CYYR1: variants seen among roughly 807,000 people sequenced by gnomAD.
CYYR1 encodes cysteine and tyrosine rich 1, also known as cysteine and tyrosine-rich protein 1.
Under a neutral mutation model 15.2 loss-of-function variants are expected in CYYR1, and 14 were observed. The ratio of observed to expected loss-of-function variants is 0.92; its 90% CI spans 0.61 to 1.44. CYYR1 has a LOEUF of 1.44. Among genes scored for constraint, CYYR1 ranks in the 40% most tolerant of loss-of-function variants. The pLI, the probability that CYYR1 is intolerant of heterozygous loss-of-function variation, is 0.00. For synonymous variants in CYYR1, 80 were observed against 77.4 expected (o/e 1.03, Z -0.18); for missense variants, 228 against 209.5 (o/e 1.09, Z -0.54).
intron 2 of CYYR1, among the ~76,000 whole-genome samples, chr21:26,486,051 G>A (rs1363471564): frequency 6.6e-6 from 1 of 152,036 alleles, no homozygotes; most frequent in African/African-American, 2.4e-5. Context: ...GGTTGAACAT[G>A]TTTTCGAAAG....
chr21:26,561,411 C>T (rs921715581), intron 2 of CYYR1, among the ~76,000 whole-genome samples: 2 of 151,746 alleles, frequency 1.3e-5, no homozygotes, highest in African/African-American at 4.8e-5. Flanking sequence ...CACTAAGATA[C>T]TTAATGATCA....
chr21:26,508,294 C>T (rs1244028328), intron 2 of CYYR1, among the ~76,000 whole-genome samples: 1 of 152,026 alleles, frequency 6.6e-6, no homozygotes, highest in Non-Finnish European at 1.5e-5. Flanking sequence ...TCTTTAGGCC[C>T]AAAGAGTTTA....
At chr21:26,572,775 CCCGGT>C in intron 1 of CYYR1, 88 bp downstream of exon 1, 1 of 1,482,184 alleles carries the variant, frequency 6.7e-7, no homozygotes, top group Non-Finnish European at 9.1e-7. Flanking sequence ...CTGCAAAGGT[CCCGGT>C]CCGTCCAGCT....
intron 1 of CYYR1, among the ~76,000 whole-genome samples, chr21:26,571,153 T>C (rs1453005666): frequency 1.3e-5 from 2 of 152,224 alleles, no homozygotes; most frequent in African/African-American, 4.8e-5. Context: ...GATAAGAACA[T>C]GACCTCTTAC....
chr21:26,520,140 A>G (rs1289670234), intron 2 of CYYR1, among the ~76,000 whole-genome samples: 1 of 139,496 alleles, frequency 7.2e-6, no homozygotes, highest in East Asian at 2.0e-4. Flanking sequence ...ATATATATAT[A>G]TGCAGAAAGT....
intron 2 of CYYR1, among the ~76,000 whole-genome samples, chr21:26,511,611 A>G (rs966815425): frequency 6.6e-6 from 1 of 152,234 alleles, no homozygotes; most frequent in Non-Finnish European, 1.5e-5. Context: ...AGAAAGCACA[A>G]TGAATTTTAT....
intron 2 of CYYR1, among the ~76,000 whole-genome samples, chr21:26,547,512 T>C (rs1979055009): frequency 6.6e-6 from 1 of 152,160 alleles, no homozygotes; most frequent in South Asian, 2.1e-4. Context: ...GCTATCCCCC[T>C]AAGATCATCC....
chr21:26,477,977 C>A, intron 3 of CYYR1: 1 of 1,477,644 alleles, frequency 6.8e-7, no homozygotes, highest in Non-Finnish European at 9.0e-7. Context: ...AAAGTCAATT[C>A]CCTAGGGTAT....
rs188458946 is a variant in CYYR1 at position 26,532,115 on chromosome 21, G to A, written c.176+34151C>T. Among the ~76,000 whole-genome samples, 7 of 152,234 alleles carry A rather than the reference G, an allele frequency of 4.6e-5. No individual in the cohort carries two copies. In the East Asian group the frequency reaches 1.4e-3, roughly 30 times the overall value. On this transcript the variant is annotated intron_variant, in intron 2 of 3. Transcript: ENST00000652641. ...CATATGCAAAAAATATATCTTCAGA[G>A]TTCATTAGTAAGCTGGAAGAGGTGA...
At chr21:26,488,604 T>C (rs1231660555) in intron 2 of CYYR1, among the ~76,000 whole-genome samples, 1 of 152,108 alleles carries the variant, frequency 6.6e-6, no homozygotes, top group Non-Finnish European at 1.5e-5. Flanking sequence ...TTTGTTTTGT[T>C]TTTTACATGT....
chr21:26,565,269 G>C (rs1004236115), intron 2 of CYYR1, among the ~76,000 whole-genome samples: 2 of 152,194 alleles, frequency 1.3e-5, no homozygotes, highest in African/African-American at 4.8e-5. Flanking sequence ...AATGGAGGAT[G>C]TGTAACAAGC....
intron 3 of CYYR1, chr21:26,477,950 A>G: frequency 1.4e-6 from 2 of 1,412,878 alleles, no homozygotes; most frequent in South Asian, 3.6e-5. Context: ...TAGTGAGTAC[A>G]TTCCAGGGTG....
chr21:26,566,400 T>C (rs188533387), intron 1 of CYYR1, 32 bp from the exon 2 acceptor site: 11 of 1,533,036 alleles, frequency 7.2e-6, no homozygotes, highest in East Asian at 4.6e-5. Flanking sequence ...TGAGCAGTTA[T>C]AGTTGTAAAA....
Position 26,480,395 on chromosome 21 carries a change from C to G in CYYR1, c.211G>C (p.Val71Leu). 6.2e-7 allele frequency: 1 copy of G among 1,612,942 alleles called. No homozygotes were observed. Among genetic ancestry groups the G allele is most frequent in the Non-Finnish European group, 8.5e-7 (1 of 1,179,480 alleles). ...TAIAGIVFGI[V>L]FIMGVIAGIA... Reference sequence around the variant, plus strand: ...CCAGCAATGACCCCCATGATAAATACTATTCCAAAAACAATGCCCGCAATT... The same window carrying G: ...CCAGCAATGACCCCCATGATAAATAGTATTCCAAAAACAATGCCCGCAATT... The change falls in exon 3 of 4, where the codon GTA (valine) becomes CTA (leucine). Residue 71 changes from valine (V) to leucine (L), a missense_variant. Transcript: ENST00000652641.
chr21:26,528,433 G>T (rs982733), intron 2 of CYYR1, among the ~76,000 whole-genome samples: 39,748 of 151,870 alleles, frequency 0.26, 5,982 homozygotes, highest in African/African-American at 0.42. Context: ...TCAAGCAAGA[G>T]CTGGTTGTTT....
At chr21:26,493,325 T>A (rs1042909396) in intron 2 of CYYR1, among the ~76,000 whole-genome samples, 5 of 152,114 alleles carry the variant, frequency 3.3e-5, no homozygotes, top group Non-Finnish European at 7.4e-5. Context: ...GAGAGTGGAT[T>A]TGATGGGTAC....
At chr21:26,509,898 G>A (rs2065622738) in intron 2 of CYYR1, among the ~76,000 whole-genome samples, 1 of 152,208 alleles carries the variant, frequency 6.6e-6, no homozygotes, top group South Asian at 2.1e-4. Context: ...TCTGGAAGGA[G>A]AGGAGACTTG....
intron 2 of CYYR1, among the ~76,000 whole-genome samples, chr21:26,509,994 C>T (rs1167523276): frequency 1.3e-5 from 2 of 152,152 alleles, no homozygotes; most frequent in African/African-American, 2.4e-5. Flanking sequence ...ATGTAGGGAG[C>T]ACAGAACAGG....
At chr21:26,483,839 T>G (rs1156700556) in intron 2 of CYYR1, among the ~76,000 whole-genome samples, 2 of 152,114 alleles carry the variant, frequency 1.3e-5, no homozygotes, top group African/African-American at 4.8e-5. Flanking sequence ...TTGCTCAATC[T>G]CTCTGTGCCT....
Sources: allele counts gnomAD v4.1 joint callset (sites outside exome capture counted in the v4.1 genomes callset), GRCh38; gene constraint gnomAD v4.1.1; transcripts MANE v1.5; gene names NCBI Gene and HGNC (gene_info 2026-07-23, HGNC 2026-07-21).